CPLX1: variants seen among roughly 807,000 people sequenced by gnomAD.
CPLX1 encodes complexin 1.
Under a neutral mutation model 15.6 loss-of-function variants are expected in CPLX1, and 6 were observed. That is an observed-to-expected ratio of 0.39 (90% confidence interval 0.21 to 0.76). CPLX1 has a LOEUF of 0.76. CPLX1 is among the 30% of genes least tolerant of loss of function. CPLX1 has a pLI of 0.43. For synonymous variants in CPLX1, 91 were observed against 75.2 expected, an observed-to-expected ratio of 1.21 and a Z score of -1.08; for missense variants, 242 against 188.6, an observed-to-expected ratio of 1.28 and a Z score of -1.66.
At position 821,029 on chromosome 4, in the gene CPLX1, G is replaced by A. The variant is rs1057427852; in HGVS notation, c.31+3463C>T. ...TCCCCCTCACGCCAAACCCAGGACC[G>A]CACCCCTACGGTGTGTTCTCCCCAG... On this transcript the variant is annotated intron_variant, in intron 2 of 3. Coordinates refer to ENST00000304062, the MANE Select transcript of CPLX1 (RefSeq NM_006651.4). 3.9e-5 allele frequency among the ~76,000 whole-genome samples: 6 copies of A among 152,106 alleles called. No homozygotes were observed. The South Asian group carries it at 1.2e-3, about 32-fold the overall frequency.
chr4:809,858 TG>T (rs1746629494), intron 2 of CPLX1, among the ~76,000 whole-genome samples: 1 of 151,650 alleles, frequency 6.6e-6, no homozygotes, highest in African/African-American at 2.4e-5. Context: ...ACGTGGTATC[TG>T]CAGCAGGCGG....
At chr4:789,415 A>T (rs1746100992) in intron 3 of CPLX1, among the ~76,000 whole-genome samples, 1 of 152,224 alleles carries the variant, frequency 6.6e-6, no homozygotes, top group African/African-American at 2.4e-5. Flanking sequence ...AGTGGGTGCT[A>T]ATCAATGCTG....
rs781284680 is a variant in CPLX1, at chr4:792,477, T to C, written c.163A>G (p.Met55Val). ...CGCACGGCCTCGCGCTCCGCCTCCA[T>C]CTTGGCGTACTTGGCCTTGCGCTCC... ...EEERKAKYAKMEAEREAVRQG... is the reference protein window; with the variant it reads ...EEERKAKYAKVEAEREAVRQG... The change falls in exon 3 of 4, where the codon ATG becomes GTG. Residue 55 changes from methionine to valine, a missense_variant. Met to Val is a conservative substitution (Grantham distance 21, BLOSUM62 1). Transcript: ENST00000304062. 8 of 1,611,676 alleles carry C rather than the reference T, an allele frequency of 5.0e-6. No individual in the cohort carries two copies. Among genetic ancestry groups the C allele is most frequent in the Non-Finnish European group, 6.8e-6 (8 of 1,179,246 alleles).
chr4:821,199 C>T (rs912861855), intron 2 of CPLX1, among the ~76,000 whole-genome samples: 2 of 152,212 alleles, frequency 1.3e-5, no homozygotes, highest in South Asian at 4.1e-4. Context: ...GGGGCATTCA[C>T]TGCCGGACAC....
chr4:824,681 C>A (rs768868036), intron 1 of CPLX1, 80 bp from the exon 2 acceptor site: 81 of 799,220 alleles, frequency 1.0e-4, no homozygotes, highest in Non-Finnish European at 1.7e-4. Flanking sequence ...ATTCCTTACC[C>A]GCAATACCTT....
intron 2 of CPLX1, among the ~76,000 whole-genome samples, chr4:807,524 G>A (rs1015193750): frequency 6.6e-6 from 1 of 151,928 alleles, no homozygotes; most frequent in Non-Finnish European, 1.5e-5. Context: ...GCCCTGGCTG[G>A]AGTGCAGTGG....
chr4:786,276 G>C lies in CPLX1; in HGVS notation c.*225C>G, dbSNP rs980262340. The stretch of plus-strand genomic sequence containing the variant: ...AGAGAAAGGGGCGTCCCAGGCGATG[G>C]GGCTCCAGCCACCCGCGGGCAGAGG... On this transcript the variant is annotated 3_prime_UTR_variant, in exon 4 of 4. Transcript: ENST00000304062. 2 of 405,802 alleles carry C rather than the reference G, an allele frequency of 4.9e-6. No homozygotes were observed. Among genetic ancestry groups the C allele is most frequent in the African/African-American group, 4.2e-5 (2 of 47,996 alleles). The allele number at this position is 405,802 out of a possible 1,614,324, so 25.1% of individuals were successfully genotyped here.
intron 2 of CPLX1, among the ~76,000 whole-genome samples, chr4:793,406 C>T (rs1181999571): frequency 6.6e-6 from 1 of 152,186 alleles, no homozygotes; most frequent in African/African-American, 2.4e-5. Context: ...CACTACTTTT[C>T]TCATGAGCTG....
chr4:792,605 GC>G lies in CPLX1; in HGVS notation c.34del (p.Ala12ProfsTer83). ...CAGCATCTTCCCCATGTCCTTGGTG[GC>G]CCCTGGTACAGAAGTTGGTGATTCA... ...EFVMKQALGG[A>X]TKDMGKMLGG... is the part of the protein sequence containing the mutation. On this transcript the variant is annotated frameshift_variant and splice_region_variant, in exon 3 of 4. Transcript: ENST00000304062. LOFTEE classifies it high-confidence loss of function. The G allele has an allele frequency of 6.2e-7, 1 of 1,611,164 alleles. No individual in the cohort carries two copies. Among genetic ancestry groups the G allele is most frequent in the Non-Finnish European group, 8.5e-7 (1 of 1,178,656 alleles).
chr4:801,002 G>A (rs769500920), intron 2 of CPLX1, among the ~76,000 whole-genome samples: 36 of 151,066 alleles, frequency 2.4e-4, no homozygotes, highest in Non-Finnish European at 4.1e-4. Context: ...GGGCGACAAG[G>A]CAAGACTCTG....
chr4:825,011 C>T (rs558757864), intron 1 of CPLX1, among the ~76,000 whole-genome samples: 4 of 152,174 alleles, frequency 2.6e-5, no homozygotes, highest in Non-Finnish European at 5.9e-5. Flanking sequence ...GGGGGTGGGT[C>T]TTTGAGCGGG....
intron 1 of CPLX1, among the ~76,000 whole-genome samples, chr4:825,721 C>A (rs552570993): frequency 1.8e-4 from 27 of 147,490 alleles, no homozygotes; most frequent in South Asian, 1.1e-3. Context: ...GGACAGCGCC[C>A]GCCCCGGACC....
chr4:804,306 A>T (rs1746514131), intron 2 of CPLX1, among the ~76,000 whole-genome samples: 1 of 152,232 alleles, frequency 6.6e-6, no homozygotes, highest in South Asian at 2.1e-4. Context: ...AACCTACCAG[A>T]ACACATCATG....
intron 2 of CPLX1, chr4:804,976 G>A: frequency 1.0e-6 from 1 of 977,802 alleles, no homozygotes; most frequent in Non-Finnish European, 1.2e-6. Flanking sequence ...GCGGCGGCCG[G>A]CTAGGGCGGG....
At chr4:804,782 A>G (rs1746522522) in intron 2 of CPLX1, 2 of 985,452 alleles carry the variant, frequency 2.0e-6, no homozygotes, top group East Asian at 1.1e-4. Flanking sequence ...AAGTGCCTGC[A>G]GAGTCCCAGA....
At chr4:810,789 TG>T (rs1746654525) in intron 2 of CPLX1, among the ~76,000 whole-genome samples, 1 of 151,820 alleles carries the variant, frequency 6.6e-6, no homozygotes. Context: ...CTCCACCTCC[TG>T]GGTTCAAGTG....
chr4:793,809 G>A (rs1281796680), intron 2 of CPLX1, among the ~76,000 whole-genome samples: 1 of 152,162 alleles, frequency 6.6e-6, no homozygotes, highest in African/African-American at 2.4e-5. Context: ...CTTGCCTCTG[G>A]GCTCTGCCCC....
At chr4:823,425 C>G (rs1373129240) in intron 2 of CPLX1, among the ~76,000 whole-genome samples, 2 of 152,222 alleles carry the variant, frequency 1.3e-5, no homozygotes, top group Admixed American at 6.5e-5. Flanking sequence ...ACCCTTGTCC[C>G]TGGCCCCTCG....
intron 2 of CPLX1, among the ~76,000 whole-genome samples, chr4:809,908 A>T (rs994788678): frequency 6.6e-6 from 1 of 152,048 alleles, no homozygotes; most frequent in African/African-American, 2.4e-5. Flanking sequence ...GCTTTCTGGG[A>T]CACCCCATCA....
Sources: allele counts gnomAD v4.1 joint callset (sites outside exome capture counted in the v4.1 genomes callset), GRCh38; gene constraint gnomAD v4.1.1; transcripts MANE v1.5; gene names NCBI Gene and HGNC (gene_info 2026-07-23, HGNC 2026-07-21).